The following PPP1R13B variants were observed in gnomAD, a reference collection of about 807,000 sequenced individuals.
The protein encoded by PPP1R13B is apoptosis-stimulating of p53 protein 1.
PPP1R13B carries 44 observed loss-of-function variants against 119.8 expected under a neutral mutation model. That is an observed-to-expected ratio of 0.37 (90% CI 0.29 to 0.47). The LOEUF (loss-of-function observed/expected upper bound fraction) is 0.47. PPP1R13B is among the 20% of genes least tolerant of loss of function. The pLI is 0.99. For synonymous variants in PPP1R13B, 542 were observed against 561.5 expected, an observed-to-expected ratio of 0.97 and a Z score of 0.49; for missense variants, 1,227 against 1,413.5, an observed-to-expected ratio of 0.87 and a Z score of 2.12.
chr14:103,763,213 G>C, intron 4 of PPP1R13B: 4 of 560,176 alleles, frequency 7.1e-6, no homozygotes, highest in Non-Finnish European at 1.3e-5. Context: ...ATGAAATAGG[G>C]TTGAAAGGTT....
intron 1 of PPP1R13B, among the ~76,000 whole-genome samples, chr14:103,832,907 G>A (rs533721592): frequency 3.9e-5 from 6 of 152,236 alleles, no homozygotes; most frequent in Admixed American, 3.9e-4. Flanking sequence ...ACTTGAACCT[G>A]GGAGGCAGCG....
chr14:103,809,956 AGCTGGGACTAGAGGCAT>A (rs1437694479), intron 1 of PPP1R13B, among the ~76,000 whole-genome samples: 2 of 151,282 alleles, frequency 1.3e-5, no homozygotes, highest in Non-Finnish European at 2.9e-5. Flanking sequence ...CCTCCCTAGT[AGCTGGGACTAGAGGCAT>A]GCGCCACCAT....
chr14:103,848,320 C>T, upstream of PPP1R13B: 1 of 985,482 alleles, frequency 1.0e-6, no homozygotes, highest in Non-Finnish European at 1.2e-6. Context: ...CGGGGAGGGT[C>T]CGGTCCTCGT....
chr14:103,764,825 T>G lies in PPP1R13B; in HGVS notation c.355-7074A>C, dbSNP rs566506880. ...AATAAAGTAAATACAGCTGTTTTTT[T>G]TTGTTGTTGTTTGAGATGGAGTCTC... On this transcript the variant is annotated intron_variant, in intron 4 of 16. Coordinates refer to ENST00000202556, the MANE Select transcript of PPP1R13B (RefSeq NM_015316.3). Among the ~76,000 whole-genome samples the G allele has an allele frequency of 2.6e-4, 40 of 152,288 alleles. No homozygotes were observed. In the South Asian group the frequency reaches 4.8e-3, roughly 18 times the overall value.
chr14:103,743,000 C>T lies in PPP1R13B; in HGVS notation c.1151-177G>A. On this transcript the variant is annotated intron_variant, in intron 9 of 16. Transcript: ENST00000202556. This position sits in a 1 kb window ranked among gnomAD's most constrained non-coding sequence, Gnocchi z 4.9. The stretch of plus-strand genomic sequence containing the variant: ...AACTGCTGATCTCCTCCAGCACCCA[C>T]AGACCCGTGCACAAGACCAAGGGAC... 1 of 669,334 alleles carries T rather than the reference C, an allele frequency of 1.5e-6. No individual in the cohort carries two copies. The highest frequency in any genetic ancestry group is 1.9e-5 in the South Asian group (1 of 53,636). The allele number at this position is 669,334 out of a possible 1,614,324, so 41.5% of individuals were successfully genotyped here. A position where few individuals can be genotyped will look rare whatever the true frequency, so the allele number is the denominator to read the frequency against.
intron 1 of PPP1R13B, among the ~76,000 whole-genome samples, chr14:103,836,537 G>A (rs544909575): frequency 1.3e-5 from 2 of 152,070 alleles, no homozygotes; most frequent in Admixed American, 1.3e-4. Flanking sequence ...TTGGGAGGGA[G>A]AGGCAGGCGG....
chr14:103,761,969 T>C (rs2084817736), intron 4 of PPP1R13B, among the ~76,000 whole-genome samples: 1 of 152,232 alleles, frequency 6.6e-6, no homozygotes, highest in Non-Finnish European at 1.5e-5. Context: ...TTGGCATACA[T>C]ATGCCAAGTG....
rs116526798 is a variant in PPP1R13B, at chr14:103,743,555, G to T, written c.1151-732C>A. The stretch of plus-strand genomic sequence containing the variant: ...AAAGTCCATTATAACACAGGCTCCT[G>T]GTTCTCTTTTACAGGAACAGGTGCT... On this transcript the variant is annotated intron_variant, in intron 9 of 16. Coordinates refer to ENST00000202556, the MANE Select transcript of PPP1R13B (RefSeq NM_015316.3). 3.7e-3 allele frequency among the ~76,000 whole-genome samples: 570 copies of T among 152,304 alleles called. 5 individuals carry two copies. Among genetic ancestry groups the T allele is most frequent in the African/African-American group, 0.013 (544 of 41,556 alleles).
chr14:103,798,060 T>C (rs2085801956), intron 1 of PPP1R13B, among the ~76,000 whole-genome samples: 1 of 152,014 alleles, frequency 6.6e-6, no homozygotes, highest in South Asian at 2.1e-4. Flanking sequence ...TTTTATAGCT[T>C]TGGAATAAAG....
At chr14:103,814,928 G>A (rs1463601674) in intron 1 of PPP1R13B, among the ~76,000 whole-genome samples, 2 of 150,762 alleles carry the variant, frequency 1.3e-5, no homozygotes, top group Non-Finnish European at 1.5e-5. Context: ...CTGGGCGACA[G>A]AGCAAGACTC....
chr14:103,847,641 CG>C (rs2087092939), upstream of PPP1R13B: 2 of 983,968 alleles, frequency 2.0e-6, no homozygotes, highest in Middle Eastern at 5.2e-4. Context: ...ACGCCCCGCA[CG>C]GGTCCCGTAG....
intron 12 of PPP1R13B, among the ~76,000 whole-genome samples, chr14:103,739,582 C>A (rs781107280): frequency 1.3e-5 from 2 of 152,208 alleles, no homozygotes; most frequent in Non-Finnish European, 2.9e-5. Context: ...TCTGGAGCTC[C>A]CTGACCAGCT....
intron 3 of PPP1R13B, among the ~76,000 whole-genome samples, chr14:103,783,404 C>T (rs1005709643): frequency 2.6e-5 from 4 of 151,998 alleles, no homozygotes; most frequent in African/African-American, 4.8e-5. Flanking sequence ...GGATTATAGG[C>T]GCACACCACC....
At chr14:103,814,522 G>C (rs150439702) in intron 1 of PPP1R13B, among the ~76,000 whole-genome samples, 1 of 152,022 alleles carries the variant, frequency 6.6e-6, no homozygotes, top group African/African-American at 2.4e-5. Flanking sequence ...AGTTTCAATG[G>C]GCTGAGCCCC....
Position 103,742,794 on chromosome 14 carries a change from G to C in PPP1R13B, c.1180C>G (p.Gln394Glu). Residue 394 changes from glutamine to glutamate, a missense_variant, in exon 10 of 17, where the codon CAG becomes GAG. Physicochemically the swap from Gln to Glu is conservative, Grantham distance 29. Transcript: ENST00000202556. This position sits in a 1 kb window ranked among gnomAD's most constrained non-coding sequence, Gnocchi z 4.9. The stretch of plus-strand genomic sequence containing the variant: ...GGTTTCACGGAAGAGCTAGAATTCT[G>C]TTTTAATGTTGGCCAGTTTCCATCA... Reference protein sequence around the residue: ...ANDGNWPTLKQNSSSSVKPVQ... With the variant: ...ANDGNWPTLKENSSSSVKPVQ... The C allele has an allele frequency of 6.8e-6, 11 of 1,614,130 alleles. No homozygotes were observed. The highest frequency in any genetic ancestry group is 8.5e-6 in the Non-Finnish European group (10 of 1,180,030).
intron 2 of PPP1R13B, among the ~76,000 whole-genome samples, chr14:103,792,916 A>G (rs1724463653): frequency 6.6e-6 from 1 of 151,844 alleles, no homozygotes; most frequent in African/African-American, 2.4e-5. Context: ...TAAAAAATGC[A>G]AAAAATTAGC....
rs952859417 is a variant in PPP1R13B, at chr14:103,733,393, G to T, written c.*1761C>A. The T allele has an allele frequency of 1.5e-5, 3 of 204,032 alleles. No homozygotes were observed. Among genetic ancestry groups the T allele is most frequent in the African/African-American group, 4.7e-5 (2 of 42,422 alleles). The allele number at this position is 204,032 out of a possible 1,614,324, so 12.6% of individuals were successfully genotyped here. A position where few individuals can be genotyped will look rare whatever the true frequency, so the allele number is the denominator to read the frequency against. ...TTTAATTCTTCCACAGAACCAGTTT[G>T]GGCAGTAGGAACTCAGGCTTCTGGT... On this transcript the variant is annotated 3_prime_UTR_variant, in exon 17 of 17. Transcript: ENST00000202556.
intron 16 of PPP1R13B, 39 bp downstream of exon 16, chr14:103,735,964 C>G (rs1422780439): frequency 6.2e-7 from 1 of 1,605,752 alleles, no homozygotes; most frequent in Non-Finnish European, 8.5e-7. Context: ...TACAGAGACA[C>G]GGGCAGCTAG....
intron 1 of PPP1R13B, among the ~76,000 whole-genome samples, chr14:103,809,810 GA>G (rs1206807531): frequency 6.7e-6 from 1 of 148,588 alleles, no homozygotes; most frequent in African/African-American, 2.5e-5. Flanking sequence ...GTGACAAAGT[GA>G]AACTCTTGTC....
Sources: allele counts gnomAD v4.1 joint callset (sites outside exome capture counted in the v4.1 genomes callset), GRCh38; gene constraint gnomAD v4.1.1; non-coding constraint Gnocchi (gnomAD v3.1); transcripts MANE v1.5; gene names NCBI Gene and HGNC (gene_info 2026-07-23, HGNC 2026-07-21).